CDK6: variants seen among roughly 807,000 people sequenced by gnomAD.
CDK6 encodes cyclin-dependent kinase 6.
A neutral mutation model predicts 37.1 loss-of-function variants in CDK6; 6 were observed. That is an observed-to-expected ratio of 0.16 (90% confidence interval 0.09 to 0.32). The LOEUF (loss-of-function observed/expected upper bound fraction) is 0.32. Ranked by LOEUF, CDK6 falls within the 10% of genes least tolerant of loss-of-function variation. The probability of loss-of-function intolerance (pLI) is 1.00; values close to 1 mark genes in which losing one functional copy is unlikely to be tolerated. For synonymous variants in CDK6, 160 were observed against 161.3 expected (o/e 0.99, Z 0.06); for missense variants, 224 against 418.9 (o/e 0.53, Z 4.06).
At chr7:92,696,755 C>T (rs1181500802) in intron 4 of CDK6, among the ~76,000 whole-genome samples, 1 of 152,164 alleles carries the variant, frequency 6.6e-6, no homozygotes. Flanking sequence ...ATTGAATGGA[C>T]AGCATATGGA....
At chr7:92,717,816 A>C (rs1798268014) in intron 4 of CDK6, among the ~76,000 whole-genome samples, 1 of 152,254 alleles carries the variant, frequency 6.6e-6, no homozygotes, top group Non-Finnish European at 1.5e-5. Context: ...TTAGATAGCC[A>C]CATGCATGCA....
intron 2 of CDK6, among the ~76,000 whole-genome samples, chr7:92,797,612 C>G (rs1412984431): frequency 6.6e-6 from 1 of 152,122 alleles, no homozygotes; most frequent in Non-Finnish European, 1.5e-5. Context: ...TCAGACATAC[C>G]TTTTCTTCAC....
At chr7:92,721,333 G>A (rs1438916817) in intron 4 of CDK6, among the ~76,000 whole-genome samples, 3 of 152,118 alleles carry the variant, frequency 2.0e-5, no homozygotes, top group African/African-American at 7.2e-5. Context: ...GTGCGGTATG[G>A]GGCAGGGGTG....
At chr7:92,738,172 G>T (rs1428576386) in intron 3 of CDK6, among the ~76,000 whole-genome samples, 1 of 152,096 alleles carries the variant, frequency 6.6e-6, no homozygotes, top group Non-Finnish European at 1.5e-5. Context: ...TCTTCAATCT[G>T]CTGGAGGAAG....
intron 3 of CDK6, among the ~76,000 whole-genome samples, chr7:92,729,437 TATG>T (rs1327370577): frequency 6.6e-6 from 1 of 152,246 alleles, no homozygotes; most frequent in African/African-American, 2.4e-5. Flanking sequence ...TAGTCATACT[TATG>T]ATAAACAGTC....
intron 5 of CDK6, among the ~76,000 whole-genome samples, chr7:92,640,845 A>G (rs1474293281): frequency 6.6e-6 from 1 of 152,228 alleles, no homozygotes; most frequent in African/African-American, 2.4e-5. Context: ...AGGAATAATC[A>G]TGAGAATGAA....
intron 3 of CDK6, among the ~76,000 whole-genome samples, chr7:92,767,701 G>A (rs1208270785): frequency 6.6e-6 from 1 of 151,978 alleles, no homozygotes; most frequent in East Asian, 1.9e-4. Flanking sequence ...TTTTTGCTTA[G>A]CAGTATAGTC....
chr7:92,746,336 A>C (rs1326934606), intron 3 of CDK6, among the ~76,000 whole-genome samples: 1 of 152,152 alleles, frequency 6.6e-6, no homozygotes, highest in Non-Finnish European at 1.5e-5. Flanking sequence ...TTACCTCCAA[A>C]ATGCTTTAAA....
At chr7:92,658,937 G>A (rs970478933) in intron 5 of CDK6, among the ~76,000 whole-genome samples, 3 of 152,064 alleles carry the variant, frequency 2.0e-5, no homozygotes, top group African/African-American at 7.2e-5. Flanking sequence ...CACTAGTGTC[G>A]ATAAACACTT....
intron 3 of CDK6, among the ~76,000 whole-genome samples, chr7:92,744,026 TAAA>T (rs910762840): frequency 6.6e-6 from 1 of 150,454 alleles, no homozygotes; most frequent in Non-Finnish European, 1.5e-5. Context: ...ATTCTGCAAC[TAAA>T]AAAAAAATTT....
At chr7:92,829,906 G>A (rs544138047) in intron 2 of CDK6, among the ~76,000 whole-genome samples, 6 of 152,348 alleles carry the variant, frequency 3.9e-5, no homozygotes, top group African/African-American at 9.6e-5. Flanking sequence ...AGTTCTACAA[G>A]TGCGGAGACT....
chr7:92,771,191 G>A (rs1295740188), intron 3 of CDK6, among the ~76,000 whole-genome samples: 4 of 147,778 alleles, frequency 2.7e-5, no homozygotes, highest in Non-Finnish European at 5.9e-5. Context: ...AGTTGAGATC[G>A]CGCCACTGCA....
intron 4 of CDK6, among the ~76,000 whole-genome samples, chr7:92,703,913 G>A (rs1464823654): frequency 6.6e-6 from 1 of 152,152 alleles, no homozygotes; most frequent in Non-Finnish European, 1.5e-5. Flanking sequence ...AGGGGCCTCA[G>A]ACTACCTCCC....
chr7:92,781,506 T>C (rs1799991377), intron 2 of CDK6, among the ~76,000 whole-genome samples: 1 of 152,372 alleles, frequency 6.6e-6, no homozygotes, highest in Middle Eastern at 3.4e-3. Flanking sequence ...TTACATCCAA[T>C]AGGTTTGGGA....
intron 3 of CDK6, among the ~76,000 whole-genome samples, chr7:92,754,540 C>G (rs1348268754): frequency 6.6e-6 from 1 of 152,234 alleles, no homozygotes; most frequent in Admixed American, 6.5e-5. Context: ...ACAGGACCAT[C>G]TCAGTCACCC....
At chr7:92,672,254 T>C (rs757447450) in intron 4 of CDK6, among the ~76,000 whole-genome samples, 14 of 112,350 alleles carry the variant, frequency 1.2e-4, no homozygotes, top group Non-Finnish European at 2.4e-4. Context: ...TATATGAAGA[T>C]GGTGCCAGGG....
chr7:92,734,587 G>C (rs1240716483), intron 3 of CDK6, among the ~76,000 whole-genome samples: 1 of 152,142 alleles, frequency 6.6e-6, no homozygotes, highest in East Asian at 1.9e-4. Context: ...AATGCTCAAT[G>C]AGTTTTCATA....
At chr7:92,797,714 G>T (rs1041731804) in intron 2 of CDK6, among the ~76,000 whole-genome samples, 3 of 152,220 alleles carry the variant, frequency 2.0e-5, no homozygotes, top group Admixed American at 2.0e-4. Context: ...TTTGTTAGAA[G>T]AACTTCTAAA....
At chr7:92,731,527 G>A (rs1051354044) in intron 3 of CDK6, among the ~76,000 whole-genome samples, 1 of 152,136 alleles carries the variant, frequency 6.6e-6, no homozygotes, top group African/African-American at 2.4e-5. Context: ...ACATCACCTC[G>A]AGGCCCCTCA....
Sources: allele counts gnomAD v4.1 joint callset (sites outside exome capture counted in the v4.1 genomes callset), GRCh38; gene constraint gnomAD v4.1.1; transcripts MANE v1.5; gene names NCBI Gene and HGNC (gene_info 2026-07-23, HGNC 2026-07-21).